Variants in TRPM3 observed in about 807,000 individuals in gnomAD.
TRPM3 encodes transient receptor potential cation channel subfamily M member 3, also known as long transient receptor potential channel 3.
TRPM3 carries 77 observed loss-of-function variants against 181.2 expected under a neutral mutation model. That is an observed-to-expected ratio of 0.42 (90% confidence interval 0.35 to 0.51). TRPM3 has a LOEUF of 0.51. Ranked by LOEUF, TRPM3 falls within the 20% of genes least tolerant of loss-of-function variation. TRPM3 has a pLI of 0.01. For missense variants in TRPM3, 1,759 were observed against 2,196.7 expected (o/e 0.80, Z 3.98); for synonymous variants, 745 against 796.4 (o/e 0.94, Z 1.09).
At chr9:70,695,713 A>G (rs7870670) in intron 8 of TRPM3, among the ~76,000 whole-genome samples, 132,718 of 152,208 alleles carry the variant, frequency 0.87, 58,026 homozygotes, top group Non-Finnish European at 0.91. Context: ...TACTTACGAC[A>G]TGCTAAACAC....
intron 9 of TRPM3, among the ~76,000 whole-genome samples, chr9:70,647,318 C>A (rs1488388778): frequency 6.6e-6 from 1 of 152,116 alleles, no homozygotes; most frequent in Non-Finnish European, 1.5e-5. Context: ...CTGAATCCAG[C>A]AGCACATCAA....
intron 1 of TRPM3, among the ~76,000 whole-genome samples, chr9:71,359,415 T>A (rs533114236): frequency 6.3e-4 from 96 of 152,310 alleles, no homozygotes; most frequent in African/African-American, 2.3e-3. Context: ...CACAGAATAT[T>A]TAAAATGTGC....
intron 5 of TRPM3, among the ~76,000 whole-genome samples, chr9:70,830,142 T>C (rs1292874780): frequency 6.6e-6 from 1 of 152,150 alleles, no homozygotes; most frequent in East Asian, 1.9e-4. Flanking sequence ...CTGTGTGTAA[T>C]AGTGAACACC....
At chr9:70,553,751 C>T (rs890599863) in intron 22 of TRPM3, among the ~76,000 whole-genome samples, 1 of 152,200 alleles carries the variant, frequency 6.6e-6, no homozygotes, top group Non-Finnish European at 1.5e-5. Flanking sequence ...AGCAGCATCT[C>T]GGGACTATTG....
intron 9 of TRPM3, among the ~76,000 whole-genome samples, chr9:70,647,135 C>G (rs915710419): frequency 2.0e-5 from 3 of 152,062 alleles, no homozygotes; most frequent in Non-Finnish European, 4.4e-5. Context: ...TGGTACCAAT[C>G]CTACTGAAAA....
intron 1 of TRPM3, among the ~76,000 whole-genome samples, chr9:71,347,533 G>C (rs1177255937): frequency 2.0e-5 from 3 of 152,132 alleles, no homozygotes. Flanking sequence ...ACTGTGGTTA[G>C]TTTTAAAATC....
chr9:71,200,056 G>C (rs1043395610), intron 1 of TRPM3, among the ~76,000 whole-genome samples: 1 of 152,158 alleles, frequency 6.6e-6, no homozygotes, highest in Non-Finnish European at 1.5e-5. Context: ...GTGTCCCAGA[G>C]ATTCTGGTAT....
chr9:71,437,881 G>GA (rs1268575669), intron 1 of TRPM3, among the ~76,000 whole-genome samples: 1 of 131,546 alleles, frequency 7.6e-6, no homozygotes, highest in African/African-American at 2.8e-5. Context: ...AAAAAAAAAA[G>GA]AAAAAAAAAC....
chr9:71,068,806 T>A (rs889733192), intron 1 of TRPM3, among the ~76,000 whole-genome samples: 1 of 152,208 alleles, frequency 6.6e-6, no homozygotes, highest in Non-Finnish European at 1.5e-5. Context: ...GAACCTTTGT[T>A]ATCCAAAACC....
chr9:71,426,588 C>T (rs2093867876), intron 1 of TRPM3, among the ~76,000 whole-genome samples: 1 of 152,104 alleles, frequency 6.6e-6, no homozygotes, highest in African/African-American at 2.4e-5. Flanking sequence ...CACATGGCCC[C>T]ATGCTGTAAT....
intron 1 of TRPM3, among the ~76,000 whole-genome samples, chr9:71,324,817 A>G (rs1264548474): frequency 1.3e-5 from 2 of 152,120 alleles, no homozygotes; most frequent in African/African-American, 4.8e-5. Flanking sequence ...CTTTAAAGTA[A>G]CATGGATGGA....
intron 1 of TRPM3, among the ~76,000 whole-genome samples, chr9:71,388,795 A>C (rs985781578): frequency 2.0e-5 from 3 of 152,154 alleles, no homozygotes; most frequent in African/African-American, 2.4e-5. Flanking sequence ...TCAGTGCCCC[A>C]GGAGAGGAAA....
At chr9:71,288,358 A>C (rs2085479009) in intron 1 of TRPM3, among the ~76,000 whole-genome samples, 1 of 152,150 alleles carries the variant, frequency 6.6e-6, no homozygotes, top group Admixed American at 6.6e-5. Flanking sequence ...TACTGTTTAC[A>C]CATAGCATTA....
intron 19 of TRPM3, 112 bp from the exon 20 acceptor site, chr9:70,603,582 T>C: frequency 8.2e-7 from 1 of 1,214,912 alleles, no homozygotes; most frequent in African/African-American, 1.5e-5. Flanking sequence ...GACACAGACT[T>C]TATGACAAAA....
intron 1 of TRPM3, among the ~76,000 whole-genome samples, chr9:71,242,698 A>G (rs2131974243): frequency 6.6e-6 from 1 of 152,290 alleles, no homozygotes; most frequent in African/African-American, 2.4e-5. Context: ...CTGGGCTTTT[A>G]GTCAGAGTCT....
chr9:70,649,701 T>C (rs2059368812), intron 9 of TRPM3, among the ~76,000 whole-genome samples: 1 of 152,164 alleles, frequency 6.6e-6, no homozygotes. Flanking sequence ...ATAATAAGCA[T>C]TATTATAATG....
At chr9:71,045,944 T>C (rs765258190) in intron 1 of TRPM3, among the ~76,000 whole-genome samples, 2 of 152,012 alleles carry the variant, frequency 1.3e-5, no homozygotes, top group Non-Finnish European at 2.9e-5. Context: ...CATTTGCTAA[T>C]GTTTGACTTT....
chr9:70,920,294 T>C (rs2096641922), intron 1 of TRPM3, among the ~76,000 whole-genome samples: 1 of 152,252 alleles, frequency 6.6e-6, no homozygotes, highest in African/African-American at 2.4e-5. Flanking sequence ...CCTCACAATG[T>C]CTGTGTGCCT....
At chr9:71,278,924 G>T (rs1449656343) in intron 1 of TRPM3, among the ~76,000 whole-genome samples, 1 of 151,920 alleles carries the variant, frequency 6.6e-6, no homozygotes, top group Admixed American at 6.6e-5. Context: ...CCGCTACAAT[G>T]ATAATCAAAG....
Sources: allele counts gnomAD v4.1 joint callset (sites outside exome capture counted in the v4.1 genomes callset), GRCh38; gene constraint gnomAD v4.1.1; transcripts MANE v1.5; gene names NCBI Gene and HGNC (gene_info 2026-07-23, HGNC 2026-07-21).